Variants in SRRM1 observed in about 807,000 individuals in gnomAD.
SRRM1 encodes serine and arginine repetitive matrix 1.
SRRM1 carries 19 observed loss-of-function variants against 110.2 expected under a neutral mutation model. That is an observed-to-expected ratio of 0.17 (90% CI 0.12 to 0.25). SRRM1 has a LOEUF of 0.25. Ranked by LOEUF, SRRM1 falls within the 10% of genes least tolerant of loss-of-function variation. The pLI is 1.00. For synonymous variants in SRRM1, 443 were observed against 414.9 expected, an observed-to-expected ratio of 1.07 and a Z score of -0.82; for missense variants, 918 against 1,145.8, an observed-to-expected ratio of 0.80 and a Z score of 2.87.
chr1:24,655,263 A>G, intron 9 of SRRM1, 134 bp downstream of exon 9: 7 of 1,066,786 alleles, frequency 6.6e-6, no homozygotes, highest in Non-Finnish European at 9.3e-6. Flanking sequence ...CTGTAGGTTT[A>G]CTTATAAGCC....
In SRRM1 at chr1:24,653,147, G is replaced by C. The variant is rs964365489; in HGVS notation, c.1040+115G>C. The C allele has an allele frequency of 2.0e-5, 20 of 997,018 alleles. No individual in the cohort carries two copies. In the African/African-American group the frequency reaches 3.1e-4, roughly 16 times the overall value. The allele number at this position is 997,018 out of a possible 1,614,324, so 61.8% of individuals were successfully genotyped here. ...AAGAAAGAACTGATAGGTGATATTA[G>C]ACAATGTCTTCTAAAGAGTCTGTTT... On this transcript the variant is annotated intron_variant, in intron 8 of 16. Coordinates refer to ENST00000323848, the MANE Select transcript of SRRM1 (RefSeq NM_005839.4).
At chr1:24,664,890 C>T (rs543720433) in intron 12 of SRRM1, among the ~76,000 whole-genome samples, 2 of 151,938 alleles carry the variant, frequency 1.3e-5, no homozygotes, top group Non-Finnish European at 1.5e-5. Flanking sequence ...TCCCCACCCC[C>T]CCACCAAATT....
intron 15 of SRRM1, among the ~76,000 whole-genome samples, chr1:24,671,077 CAA>C (rs747675288): frequency 1.3e-5 from 2 of 152,176 alleles, no homozygotes; most frequent in South Asian, 4.1e-4. Flanking sequence ...TTAATTTTCA[CAA>C]GAGCTTTATC....
At chr1:24,655,196 C>G (rs1663318329) in intron 9 of SRRM1, 67 bp downstream of exon 9, 6 of 1,522,164 alleles carry the variant, frequency 3.9e-6, no homozygotes, top group Non-Finnish European at 4.5e-6. Flanking sequence ...TCAGTTATTG[C>G]CCCCTGCTCA....
chr1:24,660,055 C>T (rs1666345649), intron 9 of SRRM1, among the ~76,000 whole-genome samples: 1 of 152,156 alleles, frequency 6.6e-6, no homozygotes, highest in Non-Finnish European at 1.5e-5. Context: ...CTTTTCTAGA[C>T]CAAATATCTT....
chr1:24,669,784 TGG>T, intron 14 of SRRM1, 197 bp downstream of exon 14: 2 of 603,492 alleles, frequency 3.3e-6, no homozygotes. Flanking sequence ...GGCTTTTACT[TGG>T]TTCTTAGCAG....
chr1:24,647,307 T>A (rs547995409), intron 3 of SRRM1: 1 of 152,810 alleles, frequency 6.5e-6, no homozygotes, highest in African/African-American at 2.4e-5. Flanking sequence ...TTTAAAATAC[T>A]ATTATGAGAT....
chr1:24,665,423 C>G (rs1011739021), intron 12 of SRRM1, among the ~76,000 whole-genome samples: 5 of 139,582 alleles, frequency 3.6e-5, no homozygotes, highest in African/African-American at 1.4e-4. Context: ...GAGCAAAACT[C>G]CGTCTCAAAA....
chr1:24,645,518 C>T (rs2148156314), intron 1 of SRRM1, among the ~76,000 whole-genome samples: 1 of 152,350 alleles, frequency 6.6e-6, no homozygotes, highest in Middle Eastern at 3.4e-3. Flanking sequence ...TTGTAGAAGA[C>T]TAACAGCACA....
At chr1:24,645,176 A>T (rs1004704668) in intron 1 of SRRM1, among the ~76,000 whole-genome samples, 2 of 152,174 alleles carry the variant, frequency 1.3e-5, no homozygotes, top group African/African-American at 4.8e-5. Flanking sequence ...TTTAGCAGGG[A>T]AGGAACTATC....
chr1:24,655,391 G>C (rs1274730491), intron 9 of SRRM1, among the ~76,000 whole-genome samples: 1 of 152,178 alleles, frequency 6.6e-6, no homozygotes, highest in African/African-American at 2.4e-5. Context: ...TGGGCTGTTT[G>C]AGTTGGGGTA....
At chr1:24,667,965 C>CTTTTTTTTTTTTTTTTTTTTT (rs1038405035) in intron 13 of SRRM1, among the ~76,000 whole-genome samples, 8 of 68,528 alleles carry the variant, frequency 1.2e-4, no homozygotes, top group African/African-American at 2.7e-4. Flanking sequence ...TGCTGCCACT[C>CTTTTTTTTTTTTTTTTTTTTT]TTTTTTTTTT....
At chr1:24,646,126 C>A (rs1236833372) in intron 2 of SRRM1, 53 bp downstream of exon 2, 10 of 1,393,938 alleles carry the variant, frequency 7.2e-6, no homozygotes, top group Non-Finnish European at 1.0e-5. Flanking sequence ...TTACTTGACT[C>A]AAGTTCTGGG....
chr1:24,646,611 G>A, intron 2 of SRRM1, 56 bp from the exon 3 acceptor site: 2 of 1,485,868 alleles, frequency 1.3e-6, no homozygotes, highest in Non-Finnish European at 1.8e-6. Context: ...ACTCTAACTT[G>A]AGCATTTTTT....
intron 5 of SRRM1, 130 bp from the exon 6 acceptor site, chr1:24,651,279 T>A: frequency 2.7e-6 from 2 of 729,852 alleles, no homozygotes; most frequent in South Asian, 1.9e-5. Flanking sequence ...TTAGCATGTC[T>A]TATTTCCATA....
intron 1 of SRRM1, among the ~76,000 whole-genome samples, chr1:24,645,286 A>G (rs937515185): frequency 3.9e-5 from 6 of 152,200 alleles, no homozygotes; most frequent in African/African-American, 1.4e-4. Flanking sequence ...TTTCCAGGGG[A>G]CTGTGGCCAA....
chr1:24,657,769 A>G (rs1664977863), intron 9 of SRRM1, among the ~76,000 whole-genome samples: 1 of 152,238 alleles, frequency 6.6e-6, no homozygotes. Context: ...AGTGCTTGAA[A>G]TCAGTGGCAC....
At chr1:24,663,323 G>A in intron 12 of SRRM1, 1 of 843,866 alleles carries the variant, frequency 1.2e-6, no homozygotes, top group Non-Finnish European at 1.8e-6. Flanking sequence ...TAAATATATG[G>A]TGGCTGTGGC....
At chr1:24,666,638 G>T (rs1034301534) in intron 12 of SRRM1, 177 bp from the exon 13 acceptor site, 8 of 523,648 alleles carry the variant, frequency 1.5e-5, no homozygotes, top group East Asian at 1.1e-4. Context: ...GATTATGGGT[G>T]CCTGTAATCC....
Sources: gnomAD v4.1 joint callset for allele counts (sites outside exome capture counted in the v4.1 genomes callset) on GRCh38, gnomAD v4.1.1 for gene constraint, MANE v1.5 for transcripts, NCBI Gene and HGNC (gene_info 2026-07-23, HGNC 2026-07-21) for gene names.